RABGAP1: variants seen among roughly 807,000 people sequenced by gnomAD.
RABGAP1 encodes RAB GTPase activating protein 1.
Under a neutral mutation model 137.6 loss-of-function variants are expected in RABGAP1, and 23 were observed. The ratio of observed to expected loss-of-function variants is 0.17; its 90% confidence interval spans 0.12 to 0.24. The LOEUF (loss-of-function observed/expected upper bound fraction) is 0.24, where lower values mean the gene tolerates loss of function less well. RABGAP1 is among the 10% of genes least tolerant of loss of function. The probability of loss-of-function intolerance (pLI) is 1.00; values close to 1 mark genes in which losing one functional copy is unlikely to be tolerated. For missense variants in RABGAP1, 906 were observed against 1,275.8 expected, an observed-to-expected ratio of 0.71 and a Z score of 4.42; for synonymous variants, 451 against 450.7, an observed-to-expected ratio of 1.00 and a Z score of -0.01.
At position 122,997,375 on chromosome 9, in the gene RABGAP1, T is replaced by C. The variant is rs1486489838; in HGVS notation, c.1204+14T>C. On this transcript the variant is annotated intron_variant, in intron 9 of 25. Transcript: ENST00000373647. ...AAACTCCTAAAGGTGATACAGATTG[T>C]TGACATCATGAACAGAAATTTTAGT... The C allele has an allele frequency of 2.6e-6, 4 of 1,556,964 alleles. No individual in the cohort carries two copies. Among genetic ancestry groups the C allele is most frequent in the Non-Finnish European group, 2.6e-6 (3 of 1,144,606 alleles).
At position 123,076,773 on chromosome 9, in the gene RABGAP1, T is replaced by C; in HGVS notation, c.2424+11T>C. The C allele has an allele frequency of 6.4e-7, 1 of 1,565,132 alleles. No individual in the cohort carries two copies. ...GCCTGCAACATGAAGGTAAAATAATTTTGCATTAGTTAAGATTCTGTTTTT... is the reference window on the plus strand; with the variant it reads ...GCCTGCAACATGAAGGTAAAATAATCTTGCATTAGTTAAGATTCTGTTTTT... On this transcript the variant is annotated intron_variant, in intron 19 of 25. Coordinates refer to ENST00000373647, the MANE Select transcript of RABGAP1 (RefSeq NM_012197.4).
At chr9:123,053,047 T>G (rs955569992) in intron 13 of RABGAP1, among the ~76,000 whole-genome samples, 9 of 152,226 alleles carry the variant, frequency 5.9e-5, no homozygotes, top group Non-Finnish European at 1.3e-4. Flanking sequence ...TATACACACC[T>G]TCATTTTATT....
At chr9:122,953,439 G>A (rs1234442871) in intron 1 of RABGAP1, among the ~76,000 whole-genome samples, 2 of 146,434 alleles carry the variant, frequency 1.4e-5, no homozygotes, top group South Asian at 4.3e-4. Flanking sequence ...GTCTTGCTCT[G>A]TTGCCAGGCT....
intron 13 of RABGAP1, among the ~76,000 whole-genome samples, chr9:123,038,325 A>G (rs2032777080): frequency 6.6e-6 from 1 of 151,958 alleles, no homozygotes; most frequent in Admixed American, 6.6e-5. Flanking sequence ...TTTACTTTTT[A>G]CTTGAATAAT....
At chr9:123,056,765 C>G (rs1200105508) in intron 13 of RABGAP1, among the ~76,000 whole-genome samples, 1 of 152,066 alleles carries the variant, frequency 6.6e-6, no homozygotes, top group Non-Finnish European at 1.5e-5. Context: ...TGAGTGGACA[C>G]AGCGCGTTTC....
At chr9:123,041,356 T>C (rs2032942208) in intron 13 of RABGAP1, among the ~76,000 whole-genome samples, 1 of 152,202 alleles carries the variant, frequency 6.6e-6, no homozygotes. Context: ...CACAGCAACC[T>C]ATCAGGTAGT....
chr9:122,984,385 A>G, intron 2 of RABGAP1, 100 bp from the exon 3 acceptor site: 1 of 983,122 alleles, frequency 1.0e-6, no homozygotes, highest in South Asian at 1.6e-5. Context: ...TCTTTGTATC[A>G]AAAGAAATGC....
At position 122,991,908 on chromosome 9, in the gene RABGAP1, A is replaced by G. The variant is rs565830087; in HGVS notation, c.923+1695A>G. 3.9e-5 allele frequency among the ~76,000 whole-genome samples: 6 copies of G among 152,202 alleles called. No individual in the cohort carries two copies. In the South Asian group the frequency reaches 6.2e-4, roughly 16 times the overall value. Reference sequence around the variant, plus strand: ...GAGCCAACCATTCCTGACTATTTCTATTCTCAAAGCAATGCTGTGAGGTAG... The same window carrying G: ...GAGCCAACCATTCCTGACTATTTCTGTTCTCAAAGCAATGCTGTGAGGTAG... On this transcript the variant is annotated intron_variant, in intron 6 of 25. Coordinates refer to ENST00000373647, the MANE Select transcript of RABGAP1 (RefSeq NM_012197.4).
At position 122,995,566 on chromosome 9, in the gene RABGAP1, A is replaced by ATTTTT. The variant is rs34683455; in HGVS notation, c.924-459_924-455dup. On this transcript the variant is annotated intron_variant, in intron 6 of 25. Transcript: ENST00000373647. ...GTGGTTTACCTGCAAATATCAAATG[A>ATTTTT]TTTTTTTTTTTTTTTTTTTTGAGAT... 7.3e-4 allele frequency among the ~76,000 whole-genome samples: 87 copies of ATTTTT among 118,432 alleles called. 1 individual carries two copies. Among genetic ancestry groups the ATTTTT allele is most frequent in the Non-Finnish European group, 1.0e-3 (63 of 60,496 alleles). The allele number at this position is 118,432 out of a possible 152,430, so 77.7% of individuals were successfully genotyped here. A position where few individuals can be genotyped will look rare whatever the true frequency, so the allele number is the denominator to read the frequency against.
chr9:123,032,764 T>G (rs1485453870), intron 13 of RABGAP1, among the ~76,000 whole-genome samples: 1 of 152,194 alleles, frequency 6.6e-6, no homozygotes, highest in Non-Finnish European at 1.5e-5. Flanking sequence ...TAGCTGAAAA[T>G]TGTCATCATT....
intron 19 of RABGAP1, among the ~76,000 whole-genome samples, chr9:123,079,842 T>C (rs910982962): frequency 6.6e-6 from 1 of 152,162 alleles, no homozygotes; most frequent in Non-Finnish European, 1.5e-5. Flanking sequence ...CCAACCTTTA[T>C]GCCATTACGT....
At chr9:123,016,858 T>C (rs562931634) in intron 12 of RABGAP1, among the ~76,000 whole-genome samples, 3 of 152,326 alleles carry the variant, frequency 2.0e-5, no homozygotes, top group African/African-American at 7.2e-5. Context: ...CCTTAAGGGA[T>C]AGGACTACAA....
intron 13 of RABGAP1, among the ~76,000 whole-genome samples, chr9:123,026,589 T>G (rs1457842716): frequency 2.6e-5 from 4 of 152,190 alleles, no homozygotes; most frequent in African/African-American, 9.7e-5. Flanking sequence ...TCCTCAACCC[T>G]GGCCTCTAGG....
At chr9:122,970,451 G>A (rs1354337955) in intron 2 of RABGAP1, among the ~76,000 whole-genome samples, 1 of 152,106 alleles carries the variant, frequency 6.6e-6, no homozygotes, top group Non-Finnish European at 1.5e-5. Context: ...TCTTAAAAAA[G>A]AAATGTTTTT....
chr9:123,063,008 C>G (rs2034037693), intron 13 of RABGAP1: 1 of 152,166 alleles, frequency 6.6e-6, no homozygotes, highest in African/African-American at 2.4e-5. Context: ...AGGCTGGTCT[C>G]AAACTCCTGG....
At chr9:123,099,399 T>C in intron 23 of RABGAP1, 79 bp from the exon 24 acceptor site, 2 of 1,324,150 alleles carry the variant, frequency 1.5e-6, no homozygotes, top group East Asian at 4.6e-5. Context: ...CCAATTTACA[T>C]ATTCCAGCTT....
At chr9:122,941,818 G>T (rs1478518015) in intron 1 of RABGAP1, among the ~76,000 whole-genome samples, 3 of 152,244 alleles carry the variant, frequency 2.0e-5, no homozygotes, top group Non-Finnish European at 2.9e-5. Context: ...TTTGGTCTCT[G>T]CTCTTCTGCA....
Position 122,957,066 on chromosome 9 carries a change from G to A in RABGAP1, c.7G>A (p.Asp3Asn). 1 of 1,514,702 alleles carries A rather than the reference G, an allele frequency of 6.6e-7. No homozygotes were observed. Among genetic ancestry groups the A allele is most frequent in the South Asian group, 1.3e-5 (1 of 75,442 alleles). 93.8% of individuals were successfully genotyped at this position (1,514,702 alleles called of 1,614,324 possible). A position where few individuals can be genotyped will look rare whatever the true frequency, so the allele number is the denominator to read the frequency against. Residue 3 changes from aspartate to asparagine, a missense_variant, in exon 2 of 26, where the codon GAC becomes AAC. Asp to Asn is a conservative substitution (Grantham distance 23, BLOSUM62 1). Coordinates refer to ENST00000373647, the MANE Select transcript of RABGAP1 (RefSeq NM_012197.4). ...TGAGACTCATTCTTGAGTTATGGAT[G>A]ACAAGGCTTCTGTTGGAAAAATCAG... MD[D>N]KASVGKISVS...
At chr9:122,960,093 A>G (rs1037526571) in intron 2 of RABGAP1, among the ~76,000 whole-genome samples, 3 of 152,210 alleles carry the variant, frequency 2.0e-5, no homozygotes, top group African/African-American at 7.2e-5. Context: ...TTGTGGTGAA[A>G]GGTAATTGGG....
Sources: gnomAD v4.1 joint callset for allele counts (sites outside exome capture counted in the v4.1 genomes callset) on GRCh38, gnomAD v4.1.1 for gene constraint, MANE v1.5 for transcripts, NCBI Gene and HGNC (gene_info 2026-07-23, HGNC 2026-07-21) for gene names.